Variants in TENM2 observed in about 807,000 individuals in gnomAD.
The protein encoded by TENM2 is teneurin-2.
In TENM2, 52 loss-of-function variants were observed where a neutral mutation model predicts 245.2. That is an observed-to-expected ratio of 0.21 (90% CI 0.17 to 0.27). TENM2 has a LOEUF of 0.27. Among genes scored for constraint, TENM2 ranks in the 10% least tolerant of loss-of-function variants. The probability of loss-of-function intolerance (pLI) is 1.00; values close to 1 mark genes in which losing one functional copy is unlikely to be tolerated. For missense variants in TENM2, 3,046 were observed against 3,666.8 expected, an observed-to-expected ratio of 0.83 and a Z score of 4.37; for synonymous variants, 1,363 against 1,438.9, an observed-to-expected ratio of 0.95 and a Z score of 1.19.
At chr5:167,932,914 G>T (rs1778397345) in intron 3 of TENM2, among the ~76,000 whole-genome samples, 1 of 152,156 alleles carries the variant, frequency 6.6e-6, no homozygotes, top group Non-Finnish European at 1.5e-5. Context: ...CCTACATGTT[G>T]TATTGAAAAG....
intron 12 of TENM2, among the ~76,000 whole-genome samples, chr5:168,157,685 A>G (rs1414947465): frequency 1.3e-5 from 2 of 152,210 alleles, no homozygotes; most frequent in African/African-American, 4.8e-5. Flanking sequence ...GTGGTGGGCA[A>G]TGGGGTAGAT....
chr5:168,065,843 A>G (rs1162911118), intron 7 of TENM2, among the ~76,000 whole-genome samples: 1 of 146,172 alleles, frequency 6.8e-6, no homozygotes, highest in African/African-American at 2.5e-5. Flanking sequence ...TGGTAGCCTC[A>G]AAGAACAAAG....
intron 2 of TENM2, among the ~76,000 whole-genome samples, chr5:167,674,201 C>G (rs1756154188): frequency 6.6e-6 from 1 of 152,146 alleles, no homozygotes; most frequent in Non-Finnish European, 1.5e-5. Context: ...GGCTGACCTT[C>G]TTGCGTGCAG....
At chr5:168,109,385 A>G (rs1794495480) in intron 9 of TENM2, among the ~76,000 whole-genome samples, 1 of 152,200 alleles carries the variant, frequency 6.6e-6, no homozygotes, top group Non-Finnish European at 1.5e-5. Context: ...TTTTAAGTGA[A>G]TCCTCTCATT....
intron 19 of TENM2, among the ~76,000 whole-genome samples, chr5:168,205,704 G>T (rs1762298839): frequency 6.6e-6 from 1 of 152,160 alleles, no homozygotes; most frequent in South Asian, 2.1e-4. Flanking sequence ...CAGGAGGGTG[G>T]TGAGCTCAGG....
the TENM2 span, among the ~76,000 whole-genome samples, chr5:167,122,548 G>A: frequency 1.3e-5 from 2 of 152,184 alleles, no homozygotes; most frequent in African/African-American, 4.8e-5. Flanking sequence ...CCAGGCAAAT[G>A]TGTAAATGGA....
chr5:168,223,319 T>C (rs1176887035), intron 23 of TENM2, among the ~76,000 whole-genome samples: 6 of 152,196 alleles, frequency 3.9e-5, no homozygotes, highest in Non-Finnish European at 7.4e-5. Flanking sequence ...TCCCAGAGAA[T>C]GTACTTGTCA....
At chr5:167,037,089 T>G in the TENM2 span, among the ~76,000 whole-genome samples, 1 of 152,208 alleles carries the variant, frequency 6.6e-6, no homozygotes, top group Non-Finnish European at 1.5e-5. Context: ...TGATCTGAAT[T>G]TGGCTTGGAA....
At chr5:167,421,161 T>C (rs983818572) in intron 2 of TENM2, among the ~76,000 whole-genome samples, 1 of 152,202 alleles carries the variant, frequency 6.6e-6, no homozygotes, top group African/African-American at 2.4e-5. Context: ...ACTAACCTCA[T>C]ATGGAACAAA....
chr5:167,564,397 C>A (rs1034816516), intron 2 of TENM2, among the ~76,000 whole-genome samples: 2 of 152,116 alleles, frequency 1.3e-5, no homozygotes, highest in African/African-American at 4.8e-5. Context: ...CAGAGCATGT[C>A]AAGTCTTTAG....
At chr5:167,027,013 T>C in the TENM2 span, among the ~76,000 whole-genome samples, 2 of 152,210 alleles carry the variant, frequency 1.3e-5, no homozygotes, top group Non-Finnish European at 1.5e-5. Flanking sequence ...ATACCGCTTA[T>C]CAACTTCTAT....
In TENM2 at chr5:168,168,738, A is replaced by G. The variant is rs541080487; in HGVS notation, c.2569+5981A>G. On this transcript the variant is annotated intron_variant, in intron 13 of 28. Coordinates refer to ENST00000518659, the Ensembl canonical transcript of TENM2. ...ATCTTTATGTTTAGGTCCTTTGTGA[A>G]TGACTTCAGTATGATTTAGAAGTTC... Among the ~76,000 whole-genome samples the G allele has an allele frequency of 2.0e-5, 3 of 151,842 alleles. No individual in the cohort carries two copies. In the East Asian group the frequency reaches 5.8e-4, roughly 29 times the overall value.
At chr5:168,133,041 A>G (rs955612758) in intron 12 of TENM2, among the ~76,000 whole-genome samples, 1 of 152,212 alleles carries the variant, frequency 6.6e-6, no homozygotes, top group Non-Finnish European at 1.5e-5. Context: ...TACATTTTGT[A>G]TATCCTGGAG....
the TENM2 span, chr5:167,119,714 T>C: frequency 6.6e-6 from 1 of 152,270 alleles, no homozygotes; most frequent in African/African-American, 2.4e-5. Flanking sequence ...CATTGTCTAT[T>C]ATTTTGACAC....
chr5:167,831,185 T>C (rs1768445378), intron 2 of TENM2, among the ~76,000 whole-genome samples: 1 of 152,188 alleles, frequency 6.6e-6, no homozygotes, highest in Admixed American at 6.5e-5. Context: ...TTAGTAGGAA[T>C]GGCTTATATA....
At chr5:167,635,140 T>C (rs1223437013) in intron 2 of TENM2, among the ~76,000 whole-genome samples, 1 of 152,180 alleles carries the variant, frequency 6.6e-6, no homozygotes, top group Admixed American at 6.5e-5. Context: ...GTACTTTTAA[T>C]AGCACATGCA....
intron 2 of TENM2, among the ~76,000 whole-genome samples, chr5:167,634,662 T>C (rs1490611610): frequency 6.9e-6 from 1 of 144,638 alleles, no homozygotes; most frequent in Non-Finnish European, 1.5e-5. Flanking sequence ...TAAAGCTTCT[T>C]TTTTTTTTTT....
intron 10 of TENM2, among the ~76,000 whole-genome samples, chr5:168,120,870 T>G (rs545886190): frequency 6.6e-6 from 1 of 152,368 alleles, no homozygotes; most frequent in East Asian, 1.9e-4. Context: ...CCTTCGTTTT[T>G]CCTGCATAAA....
intron 2 of TENM2, among the ~76,000 whole-genome samples, chr5:167,689,868 C>A (rs1757309244): frequency 6.6e-6 from 1 of 152,134 alleles, no homozygotes; most frequent in African/African-American, 2.4e-5. Context: ...TCAAGCGATT[C>A]TCCTGCCTCA....
Sources: allele counts gnomAD v4.1 joint callset (sites outside exome capture counted in the v4.1 genomes callset), GRCh38; gene constraint gnomAD v4.1.1; transcripts MANE v1.5; gene names NCBI Gene and HGNC (gene_info 2026-07-23, HGNC 2026-07-21).